The following UBTD1 variants were observed in gnomAD, a reference collection of about 807,000 sequenced individuals.
UBTD1 encodes ubiquitin domain containing 1, also known as ubiquitin domain-containing protein 1.
In UBTD1, 19 loss-of-function variants were observed where a neutral mutation model predicts 21.7. That is an observed-to-expected ratio of 0.87 (90% confidence interval 0.61 to 1.28). The LOEUF (loss-of-function observed/expected upper bound fraction) is 1.28, where lower values mean the gene tolerates loss of function less well. Ranked by LOEUF, UBTD1 falls within the 50% of genes most tolerant of loss-of-function variation. UBTD1 has a pLI of 0.00. For missense variants in UBTD1, 282 were observed against 315.1 expected (o/e 0.89, Z 0.80); for synonymous variants, 116 against 135.1 (o/e 0.86, Z 0.98).
chr10:97,502,839 G>A (rs1171480495), intron 1 of UBTD1, among the ~76,000 whole-genome samples: 2 of 147,548 alleles, frequency 1.4e-5, no homozygotes, highest in South Asian at 2.1e-4. Flanking sequence ...GTGTGCGTAT[G>A]TGTGTATACA....
At chr10:97,504,554 G>A (rs1479630570) in intron 1 of UBTD1, among the ~76,000 whole-genome samples, 4 of 151,978 alleles carry the variant, frequency 2.6e-5, no homozygotes, top group South Asian at 2.1e-4. Context: ...ACCTGCTCTC[G>A]GCATTATGTA....
chr10:97,503,774 T>G (rs900595712), intron 1 of UBTD1, among the ~76,000 whole-genome samples: 4 of 152,192 alleles, frequency 2.6e-5, no homozygotes, highest in Non-Finnish European at 4.4e-5. Context: ...TACAGTCTTG[T>G]AGGGGGCAGA....
At chr10:97,547,423 C>T (rs536087170) in intron 1 of UBTD1, among the ~76,000 whole-genome samples, 1 of 152,276 alleles carries the variant, frequency 6.6e-6, no homozygotes, top group Non-Finnish European at 1.5e-5. Flanking sequence ...AAAGTGCTGA[C>T]CCTACGCTGT....
At position 97,570,314 on chromosome 10, in the gene UBTD1, A is replaced by G; in HGVS notation, c.475A>G (p.Lys159Glu). The change falls in exon 3 of 3, where the codon AAG (lysine) becomes GAG (glutamate). Residue 159 changes from lysine to glutamate, a missense_variant. Transcript: ENST00000370664. The surrounding 1 kb of genome is among the most constrained non-coding windows in gnomAD (Gnocchi z 6.6). ...FPLKVRLSTGKDVRLSASLPD... is the reference protein window; with the variant it reads ...FPLKVRLSTGEDVRLSASLPD... ...GCTGAAGGTGCGCCTGTCCACGGGC[A>G]AGGACGTGAGGCTCAGCGCCAGCCT... 6.2e-7 allele frequency: 1 copy of G among 1,613,248 alleles called. No individual in the cohort carries two copies. Among genetic ancestry groups the G allele is most frequent in the Non-Finnish European group, 8.5e-7 (1 of 1,179,960 alleles).
At chr10:97,554,578 T>C (rs1374328116) in intron 1 of UBTD1, among the ~76,000 whole-genome samples, 1 of 151,528 alleles carries the variant, frequency 6.6e-6, no homozygotes, top group East Asian at 1.9e-4. Flanking sequence ...TGAGACAGGG[T>C]CTCACTGTGT....
chr10:97,532,728 C>T (rs571418268), intron 1 of UBTD1, among the ~76,000 whole-genome samples: 407 of 151,808 alleles, frequency 2.7e-3, no homozygotes, highest in Middle Eastern at 0.024. Flanking sequence ...AGACGGAGGT[C>T]GCAGTGAGCC....
At chr10:97,524,285 GC>G (rs147732362) in intron 1 of UBTD1, among the ~76,000 whole-genome samples, 36,343 of 139,570 alleles carry the variant, frequency 0.26, 4,579 homozygotes, top group Non-Finnish European at 0.28. Flanking sequence ...TTGTAGGGAT[GC>G]GGGGGGGTCT....
Position 97,566,228 on chromosome 10 carries a change from G to T in UBTD1, c.71-1686G>T, listed in dbSNP as rs111566884. On this transcript the variant is annotated intron_variant, in intron 1 of 2. Coordinates refer to ENST00000370664, the MANE Select transcript of UBTD1 (RefSeq NM_024954.5). The stretch of plus-strand genomic sequence containing the variant: ...TCTGATTCTTTTGTCTGCTGTTTTT[G>T]CCAGTAAAGCTCGTACTGCCTTGTT... Among the ~76,000 whole-genome samples the T allele has an allele frequency of 2.7e-3, 398 of 149,780 alleles. 1 individual carries two copies. The highest frequency in any genetic ancestry group is 6.1e-3 in the South Asian group (29 of 4,730).
intron 1 of UBTD1, among the ~76,000 whole-genome samples, chr10:97,558,644 T>C (rs1215852274): frequency 2.6e-5 from 4 of 152,104 alleles, no homozygotes; most frequent in Non-Finnish European, 5.9e-5. Context: ...ACATGAATTT[T>C]TTTTTTTTTT....
At chr10:97,554,223 C>T (rs1376794215) in intron 1 of UBTD1, among the ~76,000 whole-genome samples, 1 of 149,202 alleles carries the variant, frequency 6.7e-6, no homozygotes, top group Non-Finnish European at 1.5e-5. Flanking sequence ...CAAAAGTGAA[C>T]ATTTTATTTT....
chr10:97,543,142 A>G (rs1411006893), intron 1 of UBTD1, among the ~76,000 whole-genome samples: 1 of 152,258 alleles, frequency 6.6e-6, no homozygotes, highest in African/African-American at 2.4e-5. Flanking sequence ...GGGAACAGTC[A>G]TGCTAGAGTG....
intron 1 of UBTD1, among the ~76,000 whole-genome samples, chr10:97,521,104 C>T (rs754365796): frequency 2.0e-5 from 3 of 152,210 alleles, no homozygotes; most frequent in Non-Finnish European, 1.5e-5. Context: ...CTCCCCAGCA[C>T]GAGTGCCTAC....
chr10:97,507,753 C>T (rs987416732), intron 1 of UBTD1, among the ~76,000 whole-genome samples: 20 of 117,582 alleles, frequency 1.7e-4, no homozygotes, highest in African/African-American at 5.8e-4. Flanking sequence ...TCAAGCCTAA[C>T]GACAGAGCAA....
intron 1 of UBTD1, among the ~76,000 whole-genome samples, chr10:97,528,213 C>T (rs1428473141): frequency 7.7e-5 from 8 of 104,402 alleles, no homozygotes; most frequent in African/African-American, 2.0e-4. Flanking sequence ...GGCGGCTGGC[C>T]GGGCAGAGGG....
rs975384827 is a variant in UBTD1 at position 97,520,534 on chromosome 10, A to G, written c.70+21261A>G. On this transcript the variant is annotated intron_variant, in intron 1 of 2. Coordinates refer to ENST00000370664, the MANE Select transcript of UBTD1 (RefSeq NM_024954.5). Reference sequence around the variant, plus strand: ...TAAGACATACTACAAAGGTAAGAATAAGGTACTGGGAGAGAATTATGGGGT... The same window carrying G: ...TAAGACATACTACAAAGGTAAGAATGAGGTACTGGGAGAGAATTATGGGGT... Among the ~76,000 whole-genome samples the G allele has an allele frequency of 7.9e-5, 12 of 152,322 alleles. No homozygotes were observed. The South Asian group carries it at 1.4e-3, about 18-fold the overall frequency.
rs1217420645 is a variant in UBTD1, at chr10:97,570,267, C to A, written c.428C>A (p.Pro143His). 6.2e-7 allele frequency: 1 copy of A among 1,613,198 alleles called. No individual in the cohort carries two copies. Among genetic ancestry groups the A allele is most frequent in the Non-Finnish European group, 8.5e-7 (1 of 1,179,998 alleles). ...EESLEPPEPP[P>H]SVRREFPLKV... Reference sequence around the variant, plus strand: ...AGCCTGGAGCCCCCCGAGCCTCCACCCAGCGTGCGCCGTGAGTTCCCGCTG... The same window carrying A: ...AGCCTGGAGCCCCCCGAGCCTCCACACAGCGTGCGCCGTGAGTTCCCGCTG... The change falls in exon 3 of 3, where the codon CCC becomes CAC. Residue 143 changes from proline (P) to histidine (H), a missense_variant. Pro to His is a moderately conservative substitution (Grantham distance 77). Transcript: ENST00000370664. The surrounding 1 kb of genome is among the most constrained non-coding windows in gnomAD (Gnocchi z 6.6).
Position 97,530,178 on chromosome 10 carries a change from C to CT in UBTD1, c.70+30906dup, listed in dbSNP as rs2040521974. Reference sequence around the variant, plus strand: ...TCCCCAGCACGGGGCCTGGTGCATACTAGAAGCTCAATACATGTTTCTTGA... The same window carrying CT: ...TCCCCAGCACGGGGCCTGGTGCATACTTAGAAGCTCAATACATGTTTCTTGA... On this transcript the variant is annotated intron_variant, in intron 1 of 2. Coordinates refer to ENST00000370664, the MANE Select transcript of UBTD1 (RefSeq NM_024954.5). 2.0e-5 allele frequency among the ~76,000 whole-genome samples: 3 copies of CT among 151,576 alleles called. No homozygotes were observed. The Admixed American group carries it at 2.0e-4, about 10-fold the overall frequency.
chr10:97,562,201 C>G (rs887347617), intron 1 of UBTD1, among the ~76,000 whole-genome samples: 3 of 152,060 alleles, frequency 2.0e-5, no homozygotes, highest in Admixed American at 6.6e-5. Flanking sequence ...GTCATGAGTT[C>G]GAGACCAACC....
chr10:97,505,333 C>CT (rs1467439685), intron 1 of UBTD1, among the ~76,000 whole-genome samples: 1 of 152,168 alleles, frequency 6.6e-6, no homozygotes, highest in Non-Finnish European at 1.5e-5. Context: ...GCATGTGCTC[C>CT]TTTAAGTTGT....
Sources: allele counts gnomAD v4.1 joint callset (sites outside exome capture counted in the v4.1 genomes callset), GRCh38; gene constraint gnomAD v4.1.1; non-coding constraint Gnocchi (gnomAD v3.1); transcripts MANE v1.5; gene names NCBI Gene and HGNC (gene_info 2026-07-23, HGNC 2026-07-21).